The following TAS2R1 variants were observed in gnomAD, a reference collection of about 807,000 sequenced individuals.
TAS2R1 encodes taste receptor type 2 member 1.
For missense variants in TAS2R1, 370 were observed against 353.4 expected, an observed-to-expected ratio of 1.05 and a Z score of -0.38; for synonymous variants, 141 against 134.2, an observed-to-expected ratio of 1.05 and a Z score of -0.35.
the TAS2R1 span, among the ~76,000 whole-genome samples, chr5:9,817,018 A>T: frequency 5.3e-5 from 8 of 152,204 alleles, no homozygotes; most frequent in Non-Finnish European, 1.2e-4. Context: ...AATTTTGTTA[A>T]TTTTTTCCAG....
the TAS2R1 span, among the ~76,000 whole-genome samples, chr5:9,842,310 TTCTC>T: frequency 4.1e-5 from 6 of 145,912 alleles, 1 homozygote; most frequent in African/African-American, 5.1e-5. Flanking sequence ...AAGTCTTTCT[TTCTC>T]TCTTTTTTTT....
At chr5:9,829,926 G>A in the TAS2R1 span, among the ~76,000 whole-genome samples, 1 of 152,176 alleles carries the variant, frequency 6.6e-6, no homozygotes, top group Non-Finnish European at 1.5e-5. Flanking sequence ...CAGAGATACT[G>A]CCTAGTCATT....
intron 1 of TAS2R1, among the ~76,000 whole-genome samples, chr5:9,680,571 G>A (rs1214288462): frequency 6.6e-6 from 1 of 151,930 alleles, no homozygotes; most frequent in African/African-American, 2.4e-5. Context: ...TTACTTCTGT[G>A]GTCACTCTTC....
the TAS2R1 span, among the ~76,000 whole-genome samples, chr5:9,823,019 CAAAA>C: frequency 7.0e-5 from 8 of 114,424 alleles, no homozygotes; most frequent in Admixed American, 9.3e-5. Context: ...TCCTCTCCAC[CAAAA>C]AAAAAAAAAA....
chr5:9,829,473 G>A, the TAS2R1 span, among the ~76,000 whole-genome samples: 2 of 152,094 alleles, frequency 1.3e-5, no homozygotes, highest in African/African-American at 4.8e-5. Flanking sequence ...CCATAGACAA[G>A]GGCATCATTT....
intron 1 of TAS2R1, among the ~76,000 whole-genome samples, chr5:9,677,880 T>C (rs1029617177): frequency 5.3e-5 from 8 of 152,172 alleles, no homozygotes; most frequent in Non-Finnish European, 1.2e-4. Context: ...GAATGTTTCA[T>C]AGCAACCTTA....
the TAS2R1 span, among the ~76,000 whole-genome samples, chr5:9,876,163 C>T: frequency 3.3e-5 from 5 of 151,366 alleles, no homozygotes; most frequent in Non-Finnish European, 5.9e-5. Context: ...GGGCCTGGAA[C>T]TCACGAGCCC....
intron 1 of TAS2R1, among the ~76,000 whole-genome samples, chr5:9,711,106 A>G (rs566538125): frequency 6.6e-6 from 1 of 151,926 alleles, no homozygotes; most frequent in East Asian, 1.9e-4. Flanking sequence ...CACTATGGAG[A>G]TCATCAAAAA....
the TAS2R1 span, among the ~76,000 whole-genome samples, chr5:9,726,338 C>G: frequency 6.6e-6 from 1 of 152,164 alleles, no homozygotes; most frequent in East Asian, 1.9e-4. Context: ...GTAAATGCAC[C>G]AATCAGCGCC....
chr5:9,777,749 A>G, the TAS2R1 span, among the ~76,000 whole-genome samples: 5 of 152,256 alleles, frequency 3.3e-5, no homozygotes, highest in African/African-American at 4.8e-5. Flanking sequence ...TTCTTAAATA[A>G]TAAGACTTGA....
chr5:9,848,049 C>T, the TAS2R1 span, among the ~76,000 whole-genome samples: 1 of 152,218 alleles, frequency 6.6e-6, no homozygotes, highest in Admixed American at 6.5e-5. Context: ...TTCTGATGCA[C>T]ACTAAGGCTT....
chr5:9,777,786 G>C, the TAS2R1 span, among the ~76,000 whole-genome samples: 1 of 152,110 alleles, frequency 6.6e-6, no homozygotes, highest in East Asian at 1.9e-4. Context: ...TTGATCCATG[G>C]GCTGCAGATT....
the TAS2R1 span, among the ~76,000 whole-genome samples, chr5:9,764,755 C>A: frequency 6.6e-6 from 1 of 152,138 alleles, no homozygotes; most frequent in African/African-American, 2.4e-5. Flanking sequence ...GCACAGGATA[C>A]AGCAATTTCA....
At chr5:9,803,374 T>C in the TAS2R1 span, among the ~76,000 whole-genome samples, 1 of 152,164 alleles carries the variant, frequency 6.6e-6, no homozygotes, top group Non-Finnish European at 1.5e-5. Flanking sequence ...GACTTCCAAA[T>C]ATAAGAAGCT....
At chr5:9,683,164 G>T (rs1398811149) in intron 1 of TAS2R1, among the ~76,000 whole-genome samples, 5 of 151,798 alleles carry the variant, frequency 3.3e-5, no homozygotes, top group Middle Eastern at 3.5e-3. Flanking sequence ...TTACATTATA[G>T]TATAATATGT....
chr5:9,816,292 T>C, the TAS2R1 span, among the ~76,000 whole-genome samples: 1 of 152,156 alleles, frequency 6.6e-6, no homozygotes, highest in South Asian at 2.1e-4. Context: ...TATTATATAA[T>C]GAATATCTGC....
At chr5:9,835,190 G>A in the TAS2R1 span, among the ~76,000 whole-genome samples, 1 of 152,202 alleles carries the variant, frequency 6.6e-6, no homozygotes, top group East Asian at 1.9e-4. Flanking sequence ...AAAGGCCAAG[G>A]GGAGATGGAT....
intron 1 of TAS2R1, among the ~76,000 whole-genome samples, chr5:9,676,905 G>A (rs1740887812): frequency 6.6e-6 from 1 of 152,094 alleles, no homozygotes; most frequent in Admixed American, 6.6e-5. Flanking sequence ...ACATTACTGG[G>A]TTTTTACCCA....
At chr5:9,694,616 T>A (rs114616922) in intron 1 of TAS2R1, among the ~76,000 whole-genome samples, 5,064 of 152,306 alleles carry the variant, frequency 0.033, 110 homozygotes, top group African/African-American at 0.061. Flanking sequence ...TCTATGTCTG[T>A]TCTTAATTGT....
Sources: gnomAD v4.1 joint callset for allele counts (sites outside exome capture counted in the v4.1 genomes callset) on GRCh38, gnomAD v4.1.1 for gene constraint, MANE v1.5 for transcripts, NCBI Gene and HGNC (gene_info 2026-07-23, HGNC 2026-07-21) for gene names.